Variants in CNGB3 observed in about 807,000 individuals in gnomAD.
CNGB3 encodes the protein cyclic nucleotide gated channel subunit beta 3, also known as cyclic nucleotide-gated channel beta-3.
Under a neutral mutation model 92.8 loss-of-function variants are expected in CNGB3, and 86 were observed. The observed-to-expected ratio is 0.93, with a 90% confidence interval of 0.78 to 1.11. CNGB3 has a LOEUF of 1.11. Ranked by LOEUF, CNGB3 falls within the 50% of genes least tolerant of loss-of-function variation. CNGB3 has a pLI of 0.00. For synonymous variants in CNGB3, 333 were observed against 332.7 expected, an observed-to-expected ratio of 1.00 and a Z score of -0.01; for missense variants, 1,026 against 956.8, an observed-to-expected ratio of 1.07 and a Z score of -0.95.
At chr8:86,637,316 A>G (rs980385790) in intron 10 of CNGB3, among the ~76,000 whole-genome samples, 8 of 152,126 alleles carry the variant, frequency 5.3e-5, no homozygotes, top group African/African-American at 1.7e-4. Context: ...TCATTGGACC[A>G]TATGTGTGTT....
intron 1 of CNGB3, among the ~76,000 whole-genome samples, chr8:86,741,081 T>C (rs1230296451): frequency 6.6e-6 from 1 of 152,128 alleles, no homozygotes; most frequent in East Asian, 1.9e-4. Context: ...ACCCATGACA[T>C]TTTGGTGTGT....
At chr8:86,660,687 G>T in intron 6 of CNGB3, 1 of 530,436 alleles carries the variant, frequency 1.9e-6, no homozygotes, top group South Asian at 1.4e-5. Context: ...CTACAGCCCT[G>T]TTTTGTGAGA....
At chr8:86,658,806 T>G (rs1226997587) in intron 6 of CNGB3, 7 of 558,880 alleles carry the variant, frequency 1.3e-5, no homozygotes, top group Admixed American at 2.6e-5. Context: ...GAGCTCACCA[T>G]TCTGGAAGAC....
At chr8:86,717,985 T>A in intron 3 of CNGB3, among the ~76,000 whole-genome samples, 1 of 152,010 alleles carries the variant, frequency 6.6e-6, no homozygotes, top group East Asian at 1.9e-4. Flanking sequence ...TGACACAACC[T>A]ATCAAAACCC....
rs531725264 is a variant in CNGB3 at position 86,726,860 on chromosome 8, C to T, written c.212-203G>A. 1.1e-4 allele frequency among the ~76,000 whole-genome samples: 16 copies of T among 152,292 alleles called. No individual in the cohort carries two copies. In the East Asian group the frequency reaches 3.1e-3, roughly 29 times the overall value. On this transcript the variant is annotated intron_variant, in intron 2 of 17. Transcript: ENST00000320005. Reference sequence around the variant, plus strand: ...ACACCTTCAGGCCAATGAAAAAATACAGTCGTGTGCTATTTAATGACAGAG... The same window carrying T: ...ACACCTTCAGGCCAATGAAAAAATATAGTCGTGTGCTATTTAATGACAGAG...
chr8:86,624,751 C>T (rs999599277), intron 13 of CNGB3, among the ~76,000 whole-genome samples: 23 of 152,318 alleles, frequency 1.5e-4, no homozygotes, highest in African/African-American at 5.3e-4. Context: ...CCACCCTCAT[C>T]CTTCTTAACC....
At chr8:86,733,226 AGATAATGGCCTC>A (rs1825189657) in intron 2 of CNGB3, among the ~76,000 whole-genome samples, 1 of 152,064 alleles carries the variant, frequency 6.6e-6, no homozygotes, top group Admixed American at 6.5e-5. Flanking sequence ...AATTTGTTTA[AGATAATGGCCTC>A]CATCTTCATC....
intron 3 of CNGB3, among the ~76,000 whole-genome samples, chr8:86,695,948 G>A (rs1473191771): frequency 6.6e-6 from 1 of 152,044 alleles, no homozygotes; most frequent in Non-Finnish European, 1.5e-5. Context: ...AGGGCTACTG[G>A]GTGCCAGGCT....
intron 2 of CNGB3, among the ~76,000 whole-genome samples, chr8:86,733,325 T>C (rs1397199574): frequency 2.6e-5 from 4 of 152,222 alleles, no homozygotes; most frequent in Non-Finnish European, 4.4e-5. Flanking sequence ...TGCCACCTTT[T>C]CTTTATCCAA....
intron 12 of CNGB3, among the ~76,000 whole-genome samples, chr8:86,628,491 T>G (rs1822893388): frequency 6.6e-6 from 1 of 152,138 alleles, no homozygotes. Context: ...GATATTGAAG[T>G]AAGAGCAAGA....
At chr8:86,731,330 G>T (rs1825151354) in intron 2 of CNGB3, among the ~76,000 whole-genome samples, 1 of 152,158 alleles carries the variant, frequency 6.6e-6, no homozygotes, top group South Asian at 2.1e-4. Context: ...CAGGATCTTT[G>T]CATGGGGTCA....
At chr8:86,579,712 G>C (rs1821725270) in intron 15 of CNGB3, among the ~76,000 whole-genome samples, 1 of 152,176 alleles carries the variant, frequency 6.6e-6, no homozygotes, top group East Asian at 1.9e-4. Context: ...AGTGGGATCA[G>C]AGCATTTATC....
At chr8:86,595,588 A>G (rs1432077370) in intron 15 of CNGB3, among the ~76,000 whole-genome samples, 1 of 152,152 alleles carries the variant, frequency 6.6e-6, no homozygotes, top group Non-Finnish European at 1.5e-5. Context: ...CAGGTTTGAG[A>G]TATGAAAAAA....
At chr8:86,588,479 C>T (rs1457454561) in intron 15 of CNGB3, among the ~76,000 whole-genome samples, 1 of 145,066 alleles carries the variant, frequency 6.9e-6, no homozygotes, top group Admixed American at 6.9e-5. Flanking sequence ...GTGGGTTTGT[C>T]ATAGATAGCT....
intron 6 of CNGB3, chr8:86,658,328 C>G (rs963264963): frequency 2.1e-6 from 1 of 478,016 alleles, no homozygotes; most frequent in Non-Finnish European, 3.9e-6. Context: ...TTGGCATGAG[C>G]GGAAGCGCCT....
intron 8 of CNGB3, among the ~76,000 whole-genome samples, chr8:86,647,402 T>A (rs1823309697): frequency 6.6e-6 from 1 of 150,804 alleles, no homozygotes; most frequent in Non-Finnish European, 1.5e-5. Context: ...AGTAAGATAA[T>A]TTAGGGTAAT....
Position 86,575,971 on chromosome 8 carries a change from C to T in CNGB3, c.2263G>A (p.Glu755Lys). ...EPEEKPLDRP[E>K]CTASPIAVEE... ...ACTGCAATAGGACTTGCTGTACATT[C>T]AGGTCTGTCCAGTGGCTTCTCTTCT... is the stretch of plus-strand genomic sequence containing the variant. The change falls in exon 18 of 18, where the codon GAA becomes AAA. Residue 755 changes from glutamate to lysine, a missense_variant. By Grantham distance (56) the Glu-to-Lys change is moderately conservative (BLOSUM62 1). Coordinates refer to ENST00000320005, the MANE Select transcript of CNGB3 (RefSeq NM_019098.5). 1 of 1,614,142 alleles carries T rather than the reference C, an allele frequency of 6.2e-7. No individual in the cohort carries two copies. Among genetic ancestry groups the T allele is most frequent in the Non-Finnish European group, 8.5e-7 (1 of 1,180,024 alleles).
chr8:86,588,186 T>A (rs1312241317), intron 15 of CNGB3, among the ~76,000 whole-genome samples: 1 of 147,830 alleles, frequency 6.8e-6, no homozygotes, highest in Non-Finnish European at 1.5e-5. Context: ...GCACATTGAT[T>A]TTGTATACTG....
intron 10 of CNGB3, among the ~76,000 whole-genome samples, chr8:86,638,070 T>G (rs1244354465): frequency 6.6e-6 from 1 of 152,188 alleles, no homozygotes; most frequent in African/African-American, 2.4e-5. Context: ...TTTTTATTGC[T>G]GCATAGTATT....
Sources: gnomAD v4.1 joint callset for allele counts (sites outside exome capture counted in the v4.1 genomes callset) on GRCh38, gnomAD v4.1.1 for gene constraint, MANE v1.5 for transcripts, NCBI Gene and HGNC (gene_info 2026-07-23, HGNC 2026-07-21) for gene names.